The following ADGRB3 variants were observed in gnomAD, a reference collection of about 807,000 sequenced individuals.
ADGRB3 encodes brain-specific angiogenesis inhibitor 3.
In ADGRB3, 37 loss-of-function variants were observed where a neutral mutation model predicts 193.4. The ratio of observed to expected loss-of-function variants is 0.19; its 90% CI spans 0.15 to 0.25. ADGRB3 has a LOEUF of 0.25. Ranked by LOEUF, ADGRB3 falls within the 10% of genes least tolerant of loss-of-function variation. ADGRB3 has a pLI of 1.00. For synonymous variants in ADGRB3, 690 were observed against 644.2 expected (o/e 1.07, Z -1.08); for missense variants, 1,637 against 1,852.9 (o/e 0.88, Z 2.14).
intron 17 of ADGRB3, chr6:69,232,704 G>T: frequency 7.7e-7 from 1 of 1,302,608 alleles, no homozygotes; most frequent in Non-Finnish European, 1.1e-6. Context: ...CGCTGCTGCT[G>T]CTTCCCGTTT....
At chr6:69,361,802 C>A (rs1480268907) in intron 29 of ADGRB3, among the ~76,000 whole-genome samples, 1 of 4,914 alleles carries the variant, frequency 2.0e-4, no homozygotes, top group African/African-American at 2.2e-3. Flanking sequence ...ATCATGGGAA[C>A]TAAGGCACTC....
rs552418975 is a variant in ADGRB3 at position 69,272,223 on chromosome 6, A to G, written c.2814+32997A>G. On this transcript the variant is annotated intron_variant, in intron 20 of 31. Transcript: ENST00000370598. ...GATAGGTCCTGAGATTTATTTTTGT[A>G]ACTCCTCTTTCTTTCATCCCTTGCC... Among the ~76,000 whole-genome samples, 9 of 152,266 alleles carry G rather than the reference A, an allele frequency of 5.9e-5. No homozygotes were observed. The South Asian group carries it at 1.7e-3, about 28-fold the overall frequency.
intron 8 of ADGRB3, among the ~76,000 whole-genome samples, chr6:68,971,680 C>G (rs901943456): frequency 4.6e-5 from 7 of 152,182 alleles, no homozygotes; most frequent in African/African-American, 1.7e-4. Flanking sequence ...GTTCCTAATA[C>G]ATAGTGGAAG....
intron 20 of ADGRB3, among the ~76,000 whole-genome samples, chr6:69,306,408 A>G (rs540205684): frequency 2.0e-5 from 3 of 151,674 alleles, no homozygotes; most frequent in South Asian, 2.1e-4. Context: ...TCTCATTAAT[A>G]GAAAAAATAA....
chr6:69,150,475 C>T (rs1048858443), intron 17 of ADGRB3, among the ~76,000 whole-genome samples: 2 of 152,124 alleles, frequency 1.3e-5, no homozygotes, highest in African/African-American at 4.8e-5. Flanking sequence ...GTGGTGTATG[C>T]TTCCAGGCCT....
chr6:69,280,151 A>G (rs1767405337), intron 20 of ADGRB3, among the ~76,000 whole-genome samples: 1 of 152,198 alleles, frequency 6.6e-6, no homozygotes, highest in Admixed American at 6.5e-5. Context: ...TTTGCTCTCT[A>G]TTCTGCTGTA....
intron 12 of ADGRB3, 137 bp from the exon 13 acceptor site, chr6:69,018,253 CA>C: frequency 2.0e-6 from 1 of 499,860 alleles, no homozygotes; most frequent in Non-Finnish European, 3.5e-6. Flanking sequence ...TTAAAAAATA[CA>C]GCTATTGGCA....
chr6:69,179,184 A>T (rs7751072), intron 17 of ADGRB3, among the ~76,000 whole-genome samples: 22,031 of 152,086 alleles, frequency 0.14, 1,632 homozygotes, highest in Middle Eastern at 0.16. Flanking sequence ...TTTCATTTTT[A>T]AAAAAATTAT....
At chr6:69,321,477 G>A (rs893957404) in intron 20 of ADGRB3, among the ~76,000 whole-genome samples, 8 of 151,700 alleles carry the variant, frequency 5.3e-5, no homozygotes, top group Non-Finnish European at 8.9e-5. Flanking sequence ...AAAACTGTAG[G>A]ACCAAAGTTC....
intron 20 of ADGRB3, among the ~76,000 whole-genome samples, chr6:69,294,444 A>T (rs982106712): frequency 6.6e-6 from 1 of 152,068 alleles, no homozygotes; most frequent in African/African-American, 2.4e-5. Flanking sequence ...ATATTTCAAC[A>T]TGCCAAGCAG....
Position 68,663,434 on chromosome 6 carries a change from T to A in ADGRB3, c.757+24002T>A, listed in dbSNP as rs1768718492. Among the ~76,000 whole-genome samples the A allele has an allele frequency of 2.0e-5, 3 of 151,726 alleles. No individual in the cohort carries two copies. The South Asian group carries it at 6.2e-4, about 31-fold the overall frequency. ...TATATTTTATTAATTATTTTTGGAG[T>A]TTTAAACTTGAGATTAATAGGATAA... On this transcript the variant is annotated intron_variant, in intron 3 of 31. Transcript: ENST00000370598.
intron 3 of ADGRB3, among the ~76,000 whole-genome samples, chr6:68,864,998 A>C (rs1765255533): frequency 6.6e-6 from 1 of 152,178 alleles, no homozygotes; most frequent in East Asian, 1.9e-4. Context: ...GACCTGTTGA[A>C]GAATTTGAAG....
chr6:69,329,399 A>G (rs753706242), intron 22 of ADGRB3, among the ~76,000 whole-genome samples: 7 of 152,222 alleles, frequency 4.6e-5, no homozygotes, highest in Non-Finnish European at 8.8e-5. Context: ...ATCTATGCTG[A>G]TATAGTATCT....
chr6:68,934,023 G>A (rs117704283), intron 4 of ADGRB3, among the ~76,000 whole-genome samples: 3 of 152,094 alleles, frequency 2.0e-5, no homozygotes, highest in Non-Finnish European at 4.4e-5. Context: ...ATGTATATTA[G>A]TTATTCTCAC....
At chr6:68,815,077 C>A (rs1767602550) in intron 3 of ADGRB3, among the ~76,000 whole-genome samples, 2 of 152,240 alleles carry the variant, frequency 1.3e-5, no homozygotes, top group South Asian at 2.1e-4. Flanking sequence ...AAAACTGACA[C>A]AAGACAGGGA....
Position 69,383,965 on chromosome 6 carries a change from G to C in ADGRB3, c.4380+1030G>C, listed in dbSNP as rs1486323844. Among the ~76,000 whole-genome samples, 3 of 151,904 alleles carry C rather than the reference G, an allele frequency of 2.0e-5. No homozygotes were observed. The East Asian group carries it at 5.8e-4, about 29-fold the overall frequency. On this transcript the variant is annotated intron_variant, in intron 31 of 31. Transcript: ENST00000370598. ...GACGTTTGGTCACCTTCTTAATCTA[G>C]TGATTCTTCCATATATATTTTATGA...
intron 17 of ADGRB3, among the ~76,000 whole-genome samples, chr6:69,195,312 T>C (rs965430570): frequency 6.6e-6 from 1 of 151,990 alleles, no homozygotes; most frequent in Non-Finnish European, 1.5e-5. Flanking sequence ...AGAGGATCAC[T>C]TAAGCCCAGT....
intron 17 of ADGRB3, among the ~76,000 whole-genome samples, chr6:69,094,037 C>T (rs1420468058): frequency 6.6e-6 from 1 of 152,132 alleles, no homozygotes; most frequent in East Asian, 1.9e-4. Context: ...TGTACTGATG[C>T]TCTTACAGGA....
chr6:69,089,184 A>AG (rs1772635136), intron 17 of ADGRB3, among the ~76,000 whole-genome samples: 1 of 152,240 alleles, frequency 6.6e-6, no homozygotes. Context: ...GGAAGTAGAC[A>AG]GCAGTATTTT....
Sources: gnomAD v4.1 joint callset for allele counts (sites outside exome capture counted in the v4.1 genomes callset) on GRCh38, gnomAD v4.1.1 for gene constraint, MANE v1.5 for transcripts, NCBI Gene and HGNC (gene_info 2026-07-23, HGNC 2026-07-21) for gene names.